Variants in PALLD observed in about 807,000 individuals in gnomAD.
PALLD encodes the protein palladin.
PALLD carries 61 observed loss-of-function variants against 123.5 expected under a neutral mutation model. The ratio of observed to expected loss-of-function variants is 0.49; its 90% CI spans 0.40 to 0.61. The LOEUF is 0.61. PALLD is among the 20% of genes least tolerant of loss of function. The probability of loss-of-function intolerance (pLI) is 0.00; values close to 1 mark genes in which losing one functional copy is unlikely to be tolerated. For synonymous variants in PALLD, 465 were observed against 496.4 expected, an observed-to-expected ratio of 0.94 and a Z score of 0.84; for missense variants, 1,273 against 1,377.0, an observed-to-expected ratio of 0.92 and a Z score of 1.20.
intron 2 of PALLD, among the ~76,000 whole-genome samples, chr4:168,659,470 C>T (rs1778923683): frequency 6.6e-6 from 1 of 152,166 alleles, no homozygotes; most frequent in Non-Finnish European, 1.5e-5. Context: ...TCACCCGTGA[C>T]ATCCCTTTGA....
intron 10 of PALLD, among the ~76,000 whole-genome samples, chr4:168,876,355 G>T (rs541374098): frequency 6.6e-6 from 1 of 152,310 alleles, no homozygotes; most frequent in East Asian, 1.9e-4. Flanking sequence ...GAACTTCAGG[G>T]CAGTGGTGAA....
chr4:168,631,655 G>C (rs1775822935), intron 2 of PALLD: 1 of 985,530 alleles, frequency 1.0e-6, no homozygotes, highest in Non-Finnish European at 1.2e-6. Flanking sequence ...CACCGAGCCT[G>C]AGTCGTGGCC....
chr4:168,576,366 C>T (rs1176337001), intron 2 of PALLD, among the ~76,000 whole-genome samples: 1 of 152,026 alleles, frequency 6.6e-6, no homozygotes, highest in Non-Finnish European at 1.5e-5. Flanking sequence ...GGTATATCTC[C>T]AAATGCTATC....
chr4:168,679,097 G>A (rs1781197608), intron 3 of PALLD, among the ~76,000 whole-genome samples: 1 of 131,108 alleles, frequency 7.6e-6, no homozygotes, highest in Non-Finnish European at 1.6e-5. Flanking sequence ...TGTTTGGGGT[G>A]TTTATGGTGG....
chr4:168,716,634 A>G (rs1037737255), intron 10 of PALLD, among the ~76,000 whole-genome samples: 1 of 152,216 alleles, frequency 6.6e-6, no homozygotes, highest in Non-Finnish European at 1.5e-5. Context: ...CCAGAGAAAG[A>G]CATAGCCTAT....
chr4:168,612,327 G>A lies in PALLD; in HGVS notation c.909-55863G>A, dbSNP rs149793417. On this transcript the variant is annotated intron_variant, in intron 2 of 21. Coordinates refer to ENST00000505667, the MANE Select transcript of PALLD (RefSeq NM_001166108.2). ...TTCAACCCCCTTGAAATAGGGAACT[G>A]ATATATCACATCCCCATGTGGTTCC... 3.7e-3 allele frequency among the ~76,000 whole-genome samples: 562 copies of A among 150,726 alleles called. 4 individuals carry two copies. The highest frequency in any genetic ancestry group is 0.013 in the African/African-American group (527 of 40,942).
intron 19 of PALLD, 72 bp from the exon 20 acceptor site, chr4:168,924,873 A>T (rs2126585940): frequency 1.4e-6 from 2 of 1,471,842 alleles, no homozygotes; most frequent in Non-Finnish European, 1.9e-6. Context: ...TGATCTAATT[A>T]AAAATGATGC....
chr4:168,810,682 C>T (rs1740956023), intron 10 of PALLD, among the ~76,000 whole-genome samples: 1 of 151,846 alleles, frequency 6.6e-6, no homozygotes, highest in African/African-American at 2.4e-5. Context: ...GTGGCTCACG[C>T]CTGTAGTCCC....
At chr4:168,727,568 T>A (rs997922368) in intron 10 of PALLD, among the ~76,000 whole-genome samples, 2 of 152,208 alleles carry the variant, frequency 1.3e-5, no homozygotes, top group African/African-American at 4.8e-5. Context: ...GGATTCTTTT[T>A]TATCTGTTGA....
intron 10 of PALLD, among the ~76,000 whole-genome samples, chr4:168,739,004 G>A (rs1788058129): frequency 6.6e-6 from 1 of 152,090 alleles, no homozygotes; most frequent in South Asian, 2.1e-4. Context: ...TAGTTCCCAT[G>A]TATGAGTGGA....
At chr4:168,644,525 G>C (rs1432993360) in intron 2 of PALLD, among the ~76,000 whole-genome samples, 1 of 152,168 alleles carries the variant, frequency 6.6e-6, no homozygotes, top group Non-Finnish European at 1.5e-5. Context: ...GTAACCACCT[G>C]TTCCGTCCCA....
intron 10 of PALLD, among the ~76,000 whole-genome samples, chr4:168,881,292 G>A: frequency 6.6e-6 from 1 of 152,038 alleles, no homozygotes; most frequent in East Asian, 1.9e-4. Context: ...TAGACAGGAA[G>A]GTTAGTAAGT....
At chr4:168,739,091 A>G (rs1788069741) in intron 10 of PALLD, among the ~76,000 whole-genome samples, 1 of 152,226 alleles carries the variant, frequency 6.6e-6, no homozygotes, top group African/African-American at 2.4e-5. Context: ...ATGTTGCTGC[A>G]GATGACAGCC....
At chr4:168,913,686 C>T (rs140669163) in intron 15 of PALLD, among the ~76,000 whole-genome samples, 1 of 151,822 alleles carries the variant, frequency 6.6e-6, no homozygotes, top group African/African-American at 2.4e-5. Context: ...AACAGTAAAG[C>T]TTATTTAAGA....
At chr4:168,592,228 G>A (rs546120725) in intron 2 of PALLD, among the ~76,000 whole-genome samples, 1 of 152,030 alleles carries the variant, frequency 6.6e-6, no homozygotes, top group South Asian at 2.1e-4. Flanking sequence ...GTTTCACCAT[G>A]TTGGTCAGGC....
intron 10 of PALLD, among the ~76,000 whole-genome samples, chr4:168,865,131 G>A (rs996256596): frequency 1.3e-5 from 2 of 152,272 alleles, no homozygotes; most frequent in Admixed American, 6.5e-5. Flanking sequence ...GCTGCCCCCT[G>A]AGGGGAAATG....
At chr4:168,845,859 G>A (rs147106349) in intron 10 of PALLD, among the ~76,000 whole-genome samples, 261 of 152,322 alleles carry the variant, frequency 1.7e-3, no homozygotes, top group Non-Finnish European at 2.5e-3. Flanking sequence ...CTTGAAAGTC[G>A]TTTGTCTTAA....
chr4:168,690,487 A>G, intron 6 of PALLD, 116 bp from the exon 7 acceptor site: 2 of 1,298,196 alleles, frequency 1.5e-6, no homozygotes, highest in Non-Finnish European at 1.1e-6. Context: ...CAAGTTTTGC[A>G]TTTTGTGTTT....
At chr4:168,873,452 G>A (rs986176891) in intron 10 of PALLD, among the ~76,000 whole-genome samples, 6 of 152,242 alleles carry the variant, frequency 3.9e-5, no homozygotes, top group Middle Eastern at 3.4e-3. Flanking sequence ...AGTTTTTCTA[G>A]ACAATTACGA....
Sources: gnomAD v4.1 joint callset for allele counts (sites outside exome capture counted in the v4.1 genomes callset) on GRCh38, gnomAD v4.1.1 for gene constraint, MANE v1.5 for transcripts, NCBI Gene and HGNC (gene_info 2026-07-23, HGNC 2026-07-21) for gene names.